ERBB4: variants seen among roughly 807,000 people sequenced by gnomAD.
ERBB4 encodes the protein erb-b2 receptor tyrosine kinase 4.
Under a neutral mutation model 158.0 loss-of-function variants are expected in ERBB4, and 42 were observed. That is an observed-to-expected ratio of 0.27 (90% CI 0.21 to 0.34). The LOEUF (loss-of-function observed/expected upper bound fraction) is 0.34, where lower values mean the gene tolerates loss of function less well. Among genes scored for constraint, ERBB4 ranks in the 10% least tolerant of loss-of-function variants. The pLI is 1.00. For missense variants in ERBB4, 1,333 were observed against 1,624.1 expected (o/e 0.82, Z 3.08); for synonymous variants, 583 against 558.7 (o/e 1.04, Z -0.61).
intron 1 of ERBB4, among the ~76,000 whole-genome samples, chr2:212,274,751 A>T (rs958070562): frequency 1.3e-5 from 2 of 151,726 alleles, no homozygotes; most frequent in Admixed American, 6.6e-5. Context: ...TATTTTATGT[A>T]TCTATGACAT....
chr2:212,070,118 T>G (rs1455600870), intron 2 of ERBB4, among the ~76,000 whole-genome samples: 1 of 151,950 alleles, frequency 6.6e-6, no homozygotes, highest in Non-Finnish European at 1.5e-5. Context: ...AGACCTTGTC[T>G]CTTAAAGAAA....
intron 1 of ERBB4, among the ~76,000 whole-genome samples, chr2:212,274,625 C>A (rs2085459558): frequency 6.6e-6 from 1 of 151,724 alleles, no homozygotes; most frequent in African/African-American, 2.4e-5. Context: ...CTGCAAATGG[C>A]ACCATGTATG....
At chr2:211,905,719 T>A (rs2079370076) in intron 3 of ERBB4, among the ~76,000 whole-genome samples, 1 of 104,550 alleles carries the variant, frequency 9.6e-6, no homozygotes. Flanking sequence ...TGTATATATG[T>A]GTGTGTATGT....
intron 1 of ERBB4, among the ~76,000 whole-genome samples, chr2:212,480,536 T>C (rs182306912): frequency 3.0e-4 from 45 of 152,318 alleles, no homozygotes; most frequent in Admixed American, 2.9e-3. Context: ...TCTATTCTTA[T>C]CCCAGCCATT....
At chr2:212,410,332 A>G (rs2091460837) in intron 1 of ERBB4, among the ~76,000 whole-genome samples, 1 of 152,032 alleles carries the variant, frequency 6.6e-6, no homozygotes, top group Non-Finnish European at 1.5e-5. Flanking sequence ...AAATTTCATT[A>G]CGTACAAATC....
intron 20 of ERBB4, among the ~76,000 whole-genome samples, chr2:211,525,539 G>A (rs1330252756): frequency 2.0e-5 from 3 of 152,136 alleles, no homozygotes; most frequent in Non-Finnish European, 4.4e-5. Context: ...AACCAAGAAC[G>A]ATATGCACAT....
chr2:211,693,577 C>T (rs896839956), intron 12 of ERBB4, among the ~76,000 whole-genome samples: 2 of 152,046 alleles, frequency 1.3e-5, no homozygotes, highest in African/African-American at 2.4e-5. Context: ...GACTATAGAA[C>T]GATGGGGGAA....
At chr2:212,238,710 A>G (rs2083970790) in intron 1 of ERBB4, among the ~76,000 whole-genome samples, 1 of 152,204 alleles carries the variant, frequency 6.6e-6, no homozygotes, top group South Asian at 2.1e-4. Context: ...GTAATAAGAA[A>G]TAAAAAGATT....
intron 16 of ERBB4, among the ~76,000 whole-genome samples, chr2:211,638,836 C>A (rs561862310): frequency 6.6e-6 from 1 of 152,130 alleles, no homozygotes; most frequent in East Asian, 1.9e-4. Flanking sequence ...CAGAGCAAAC[C>A]TTCCTTCTCT....
intron 1 of ERBB4, among the ~76,000 whole-genome samples, chr2:212,246,656 C>A (rs1050652481): frequency 6.6e-6 from 1 of 151,872 alleles, no homozygotes; most frequent in South Asian, 2.1e-4. Flanking sequence ...AGCTCTAGAA[C>A]CAGAAAGGGC....
chr2:212,526,147 T>C (rs1692434846), intron 1 of ERBB4, among the ~76,000 whole-genome samples: 1 of 152,042 alleles, frequency 6.6e-6, no homozygotes, highest in Non-Finnish European at 1.5e-5. Context: ...GCTGTTAAAC[T>C]GTGGGAGACA....
chr2:211,615,619 T>C (rs2069356678), intron 19 of ERBB4, among the ~76,000 whole-genome samples: 1 of 152,086 alleles, frequency 6.6e-6, no homozygotes, highest in Non-Finnish European at 1.5e-5. Context: ...CTCTTGCTTT[T>C]AGTGTAGCAT....
chr2:212,204,246 G>T (rs1367984856), intron 1 of ERBB4, among the ~76,000 whole-genome samples: 2 of 152,148 alleles, frequency 1.3e-5, no homozygotes, highest in Non-Finnish European at 2.9e-5. Context: ...GCTAATTGGA[G>T]ATTGGCCTTT....
At chr2:211,490,362 T>C (rs149991396) in intron 20 of ERBB4, among the ~76,000 whole-genome samples, 1 of 152,168 alleles carries the variant, frequency 6.6e-6, no homozygotes, top group African/African-American at 2.4e-5. Flanking sequence ...ATGCATTTTT[T>C]CCTTGATAGC....
intron 20 of ERBB4, among the ~76,000 whole-genome samples, chr2:211,530,683 T>C (rs2066471471): frequency 6.6e-6 from 1 of 151,622 alleles, no homozygotes; most frequent in African/African-American, 2.4e-5. Context: ...AGTCCAGGAG[T>C]TTGAGACCAG....
chr2:212,268,362 A>G (rs2085225144), intron 1 of ERBB4, among the ~76,000 whole-genome samples: 1 of 151,918 alleles, frequency 6.6e-6, no homozygotes, highest in South Asian at 2.1e-4. Context: ...GAACAAAATC[A>G]TATAAAGTTC....
intron 3 of ERBB4, among the ~76,000 whole-genome samples, chr2:211,821,637 T>A (rs1458394312): frequency 6.6e-6 from 1 of 152,012 alleles, no homozygotes; most frequent in Non-Finnish European, 1.5e-5. Flanking sequence ...CAAAACAGCA[T>A]GGTACTGACA....
In ERBB4 at chr2:212,434,688, C is replaced by A. The variant is rs183778849; in HGVS notation, c.82+103761G>T. Among the ~76,000 whole-genome samples the A allele has an allele frequency of 1.1e-4, 17 of 152,028 alleles. No homozygotes were observed. The East Asian group carries it at 1.7e-3, about 16-fold the overall frequency. ...GCAGGCCTAGTTTTAAGAATCAGAA[C>A]ATGTTCCATTCTCCTTCAATGTTCC... On this transcript the variant is annotated intron_variant, in intron 1 of 27. Transcript: ENST00000342788.
At chr2:211,685,578 T>TTTCCAAAA (rs1341535500) in intron 12 of ERBB4, among the ~76,000 whole-genome samples, 4 of 152,232 alleles carry the variant, frequency 2.6e-5, no homozygotes, top group Non-Finnish European at 5.9e-5. Context: ...ATTTGTTTCT[T>TTTCCAAAA]TTCCAAAATT....
Sources: gnomAD v4.1 joint callset for allele counts (sites outside exome capture counted in the v4.1 genomes callset) on GRCh38, gnomAD v4.1.1 for gene constraint, MANE v1.5 for transcripts, NCBI Gene and HGNC (gene_info 2026-07-23, HGNC 2026-07-21) for gene names.